SLC35F3: variants seen among roughly 807,000 people sequenced by gnomAD.
The protein encoded by SLC35F3 is solute carrier family 35 member F3.
SLC35F3 carries 25 observed loss-of-function variants against 49.9 expected under a neutral mutation model. The ratio of observed to expected loss-of-function variants is 0.50; its 90% CI spans 0.37 to 0.70. The LOEUF is 0.70. SLC35F3 is among the 30% of genes least tolerant of loss of function. The pLI is 0.00. For missense variants in SLC35F3, 525 were observed against 639.8 expected, an observed-to-expected ratio of 0.82 and a Z score of 1.94; for synonymous variants, 275 against 265.4, an observed-to-expected ratio of 1.04 and a Z score of -0.35.
chr1:234,015,789 C>G (rs1275349278), intron 2 of SLC35F3, among the ~76,000 whole-genome samples: 1 of 152,016 alleles, frequency 6.6e-6, no homozygotes, highest in Non-Finnish European at 1.5e-5. Context: ...GTACCAAAAG[C>G]AAAAATAAAT....
chr1:234,136,310 CTCTT>C (rs113192387), intron 2 of SLC35F3, among the ~76,000 whole-genome samples: 3,378 of 149,510 alleles, frequency 0.023, 121 homozygotes, highest in African/African-American at 0.079. Flanking sequence ...TCTCCTTTCT[CTCTT>C]TCTTTTTCCT....
intron 2 of SLC35F3, among the ~76,000 whole-genome samples, chr1:233,950,506 C>T (rs1314977304): frequency 2.2e-5 from 3 of 139,216 alleles, no homozygotes; most frequent in Non-Finnish European, 3.1e-5. Flanking sequence ...CCCACTTCCT[C>T]CCTTCCTTCC....
chr1:234,050,002 G>A (rs929636777), intron 2 of SLC35F3, among the ~76,000 whole-genome samples: 2 of 152,212 alleles, frequency 1.3e-5, no homozygotes, highest in Admixed American at 1.3e-4. Context: ...ATTCCATGGT[G>A]TATATGTGCC....
chr1:234,250,750 A>G (rs1364410245), intron 3 of SLC35F3, among the ~76,000 whole-genome samples: 1 of 152,082 alleles, frequency 6.6e-6, no homozygotes, highest in Non-Finnish European at 1.5e-5. Context: ...AGAACCTCAG[A>G]CTGCTTCCAC....
chr1:233,910,963 C>T (rs1309644368), intron 2 of SLC35F3, among the ~76,000 whole-genome samples: 1 of 152,172 alleles, frequency 6.6e-6, no homozygotes, highest in Middle Eastern at 3.2e-3. Flanking sequence ...GGGACAGGAA[C>T]ATGCAGGTTA....
At chr1:234,299,715 G>A (rs1668662240) in intron 3 of SLC35F3, among the ~76,000 whole-genome samples, 1 of 142,146 alleles carries the variant, frequency 7.0e-6, no homozygotes, top group Non-Finnish European at 1.5e-5. Flanking sequence ...TGAGGCAGGA[G>A]AATGGCATGA....
At chr1:234,036,965 C>T (rs540293013) in intron 2 of SLC35F3, among the ~76,000 whole-genome samples, 7 of 152,298 alleles carry the variant, frequency 4.6e-5, no homozygotes, top group Admixed American at 4.6e-4. Flanking sequence ...ATCTCTTGGA[C>T]ACAATCTATA....
chr1:234,070,831 A>G (rs1200664290), intron 2 of SLC35F3, among the ~76,000 whole-genome samples: 1 of 152,116 alleles, frequency 6.6e-6, no homozygotes, highest in East Asian at 1.9e-4. Context: ...GTAATTTTGT[A>G]TGATGGCCTC....
At chr1:233,912,931 A>G (rs1350927872) in intron 2 of SLC35F3, among the ~76,000 whole-genome samples, 1 of 152,260 alleles carries the variant, frequency 6.6e-6, no homozygotes, top group Non-Finnish European at 1.5e-5. Flanking sequence ...GCATCTATTA[A>G]TGCACCTTTA....
rs974251630 is a variant in SLC35F3, at chr1:234,316,022, C to T, written c.829-580C>T. Among the ~76,000 whole-genome samples, 9 of 152,152 alleles carry T rather than the reference C, an allele frequency of 5.9e-5. No homozygotes were observed. In the East Asian group the frequency reaches 1.5e-3, roughly 26 times the overall value. ...GGTAGGGTGGAGGGGCCTGTGGCCA[C>T]GAAGGAAAGGAATAGCACCTCCAAG... On this transcript the variant is annotated intron_variant, in intron 4 of 7. Transcript: ENST00000366618.
chr1:233,946,818 A>G (rs1571991078), intron 2 of SLC35F3, among the ~76,000 whole-genome samples: 1 of 152,344 alleles, frequency 6.6e-6, no homozygotes, highest in East Asian at 1.9e-4. Context: ...GAGGAAACAG[A>G]GCAGGAGAAC....
At chr1:234,157,430 G>A (rs1666170906) in intron 2 of SLC35F3, among the ~76,000 whole-genome samples, 2 of 151,980 alleles carry the variant, frequency 1.3e-5, no homozygotes, top group African/African-American at 2.4e-5. Context: ...GTGGCCTGGC[G>A]ATTACCTCTC....
chr1:234,229,899 G>A (rs1675823890), intron 2 of SLC35F3, among the ~76,000 whole-genome samples: 1 of 152,200 alleles, frequency 6.6e-6, no homozygotes, highest in African/African-American at 2.4e-5. Context: ...GAGGGCATAA[G>A]CGCGCAGATC....
intron 2 of SLC35F3, among the ~76,000 whole-genome samples, chr1:234,204,253 T>A (rs997142667): frequency 5.3e-5 from 8 of 152,176 alleles, no homozygotes; most frequent in African/African-American, 1.9e-4. Flanking sequence ...AGAACTTTGA[T>A]ATATATTATC....
At chr1:234,012,225 C>T (rs1303790270) in intron 2 of SLC35F3, among the ~76,000 whole-genome samples, 1 of 152,218 alleles carries the variant, frequency 6.6e-6, no homozygotes, top group African/African-American at 2.4e-5. Flanking sequence ...TCTCGCCTCC[C>T]GCCATAGGGT....
rs11580968 is a variant in SLC35F3, at chr1:233,918,816, C to A, written c.283+13058C>A. 9.9e-3 allele frequency among the ~76,000 whole-genome samples: 1,387 copies of A among 140,484 alleles called. 11 individuals carry two copies. Among genetic ancestry groups the A allele is most frequent in the Non-Finnish European group, 0.013 (873 of 65,706 alleles). The allele number at this position is 140,484 out of a possible 152,430, so 92.2% of individuals were successfully genotyped here. ...TCTCTCTTTCTCTCTCTCTCTCTCTCTATATATATATATATATATTTGTGT... is the reference window on the plus strand; with the variant it reads ...TCTCTCTTTCTCTCTCTCTCTCTCTATATATATATATATATATATTTGTGT... On this transcript the variant is annotated intron_variant, in intron 2 of 7. Coordinates refer to ENST00000366618, the MANE Select transcript of SLC35F3 (RefSeq NM_173508.4).
chr1:234,117,916 G>A (rs1665514910), intron 2 of SLC35F3, among the ~76,000 whole-genome samples: 1 of 552 alleles, frequency 1.8e-3, no homozygotes, highest in Non-Finnish European at 5.7e-3. Flanking sequence ...CTATATATGT[G>A]TGTGTGTGTG....
intron 2 of SLC35F3, among the ~76,000 whole-genome samples, chr1:234,178,050 A>G (rs1666502141): frequency 6.6e-6 from 1 of 152,228 alleles, no homozygotes; most frequent in Non-Finnish European, 1.5e-5. Context: ...TAACTTGAGA[A>G]TGCTAAAATG....
chr1:234,161,761 G>A (rs541846889), intron 2 of SLC35F3, among the ~76,000 whole-genome samples: 4 of 152,130 alleles, frequency 2.6e-5, no homozygotes, highest in Admixed American at 6.5e-5. Flanking sequence ...AGCTGTGATC[G>A]TGCCACTGCA....
Sources: gnomAD v4.1 joint callset for allele counts (sites outside exome capture counted in the v4.1 genomes callset) on GRCh38, gnomAD v4.1.1 for gene constraint, MANE v1.5 for transcripts, NCBI Gene and HGNC (gene_info 2026-07-23, HGNC 2026-07-21) for gene names.